The following SLC44A1 variants were observed in gnomAD, a reference collection of about 807,000 sequenced individuals.
The protein encoded by SLC44A1 is choline transporter-like protein 1.
Under a neutral mutation model 79.3 loss-of-function variants are expected in SLC44A1, and 26 were observed. The ratio of observed to expected loss-of-function variants is 0.33; its 90% CI spans 0.24 to 0.46. The LOEUF (loss-of-function observed/expected upper bound fraction) is 0.46. SLC44A1 is among the 20% of genes least tolerant of loss of function. The pLI is 1.00. For synonymous variants in SLC44A1, 263 were observed against 286.2 expected, an observed-to-expected ratio of 0.92 and a Z score of 0.82; for missense variants, 688 against 798.1, an observed-to-expected ratio of 0.86 and a Z score of 1.66.
chr9:105,436,300 T>C (rs1829463349), intron 15 of SLC44A1, among the ~76,000 whole-genome samples: 1 of 152,234 alleles, frequency 6.6e-6, no homozygotes, highest in Non-Finnish European at 1.5e-5. Flanking sequence ...GCCTAGTGAC[T>C]AGGCCACATG....
intron 1 of SLC44A1, among the ~76,000 whole-genome samples, chr9:105,292,633 C>G (rs1471592096): frequency 6.6e-6 from 1 of 152,152 alleles, no homozygotes; most frequent in Admixed American, 6.5e-5. Context: ...ATGTTTGCCT[C>G]AGAATATAAG....
chr9:105,348,769 A>G (rs1382445730), intron 5 of SLC44A1, among the ~76,000 whole-genome samples: 1 of 152,114 alleles, frequency 6.6e-6, no homozygotes, highest in Non-Finnish European at 1.5e-5. Context: ...ATCTGCAACA[A>G]ACTTAGAAAC....
At chr9:105,407,652 C>G (rs879855245) in intron 15 of SLC44A1, among the ~76,000 whole-genome samples, 2 of 151,874 alleles carry the variant, frequency 1.3e-5, no homozygotes, top group Admixed American at 1.3e-4. Flanking sequence ...GGCGGATTAC[C>G]TGAGGTCAGG....
intron 15 of SLC44A1, chr9:105,386,064 A>G (rs1828618447): frequency 3.0e-6 from 3 of 985,346 alleles, no homozygotes; most frequent in African/African-American, 1.7e-5. Flanking sequence ...GTTTTCATCA[A>G]TACCCACATT....
intron 15 of SLC44A1, among the ~76,000 whole-genome samples, chr9:105,429,167 G>A (rs1382120349): frequency 1.3e-5 from 2 of 152,196 alleles, no homozygotes; most frequent in Admixed American, 6.5e-5. Context: ...TAAGTGATAC[G>A]CTTCCACATC....
At chr9:105,286,067 C>T (rs1417627016) in intron 1 of SLC44A1, among the ~76,000 whole-genome samples, 1 of 152,236 alleles carries the variant, frequency 6.6e-6, no homozygotes, top group Non-Finnish European at 1.5e-5. Context: ...CGCCACTGCA[C>T]TCCAGCCTGG....
At chr9:105,256,040 G>A (rs1015626184) in intron 1 of SLC44A1, among the ~76,000 whole-genome samples, 1 of 152,072 alleles carries the variant, frequency 6.6e-6, no homozygotes, top group Non-Finnish European at 1.5e-5. Context: ...TTGAGACAGG[G>A]TCTTGCTCTG....
At chr9:105,368,705 T>C (rs1828013039) in intron 12 of SLC44A1, among the ~76,000 whole-genome samples, 1 of 152,224 alleles carries the variant, frequency 6.6e-6, no homozygotes, top group African/African-American at 2.4e-5. Flanking sequence ...CAAATTGTAA[T>C]GATTCATTCT....
At chr9:105,279,431 C>T (rs1830296596) in intron 1 of SLC44A1, among the ~76,000 whole-genome samples, 1 of 151,438 alleles carries the variant, frequency 6.6e-6, no homozygotes. Context: ...GATTCTCCTG[C>T]CTCAGCCTCC....
chr9:105,410,972 A>G (rs893376924), intron 15 of SLC44A1, among the ~76,000 whole-genome samples: 5 of 152,238 alleles, frequency 3.3e-5, no homozygotes, highest in Non-Finnish European at 7.3e-5. Context: ...TATATGAAAT[A>G]TCTAAAATAG....
intron 1 of SLC44A1, among the ~76,000 whole-genome samples, chr9:105,249,433 C>T (rs1156600014): frequency 1.3e-5 from 2 of 151,948 alleles, no homozygotes; most frequent in Non-Finnish European, 2.9e-5. Flanking sequence ...CCTTCATCTT[C>T]TGAATACTGT....
intron 1 of SLC44A1, among the ~76,000 whole-genome samples, chr9:105,266,722 T>C (rs1829971326): frequency 1.3e-5 from 2 of 152,242 alleles, no homozygotes; most frequent in African/African-American, 4.8e-5. Context: ...ATAGTATATA[T>C]TGAAATCAGG....
At position 105,245,599 on chromosome 9, in the gene SLC44A1, G is replaced by T. The variant is rs554526762; in HGVS notation, c.36+695G>T. 5.9e-5 allele frequency among the ~76,000 whole-genome samples: 9 copies of T among 152,336 alleles called. No homozygotes were observed. The East Asian group carries it at 1.7e-3, about 29-fold the overall frequency. On this transcript the variant is annotated intron_variant, in intron 1 of 15. Transcript: ENST00000374720. ...CCTGCGGGAGCGCCGACTCTGGGCT[G>T]GGAAGGAGATTGGGCACCTGGTGGG...
At chr9:105,385,847 G>T (rs1828613553) in intron 15 of SLC44A1, 1 of 985,188 alleles carries the variant, frequency 1.0e-6, no homozygotes, top group Non-Finnish European at 1.2e-6. Context: ...GAACATTTTG[G>T]TGTACACTTG....
intron 14 of SLC44A1, 119 bp from the exon 15 acceptor site, chr9:105,385,303 T>A: frequency 2.9e-6 from 2 of 693,304 alleles, no homozygotes; most frequent in South Asian, 3.7e-5. Context: ...TTTATTGCTA[T>A]GTTTTTAAGC....
chr9:105,350,606 A>T (rs1463995893), intron 5 of SLC44A1, among the ~76,000 whole-genome samples: 1 of 152,142 alleles, frequency 6.6e-6, no homozygotes, highest in Non-Finnish European at 1.5e-5. Context: ...GAAGGACCTG[A>T]ACTTTGAGAT....
At chr9:105,348,953 A>T (rs1827321910) in intron 5 of SLC44A1, among the ~76,000 whole-genome samples, 1 of 152,162 alleles carries the variant, frequency 6.6e-6, no homozygotes, top group South Asian at 2.1e-4. Flanking sequence ...GCTATATCTT[A>T]TCCAAGGTCT....
At chr9:105,370,965 C>T (rs192516506) in intron 12 of SLC44A1, among the ~76,000 whole-genome samples, 52 of 152,250 alleles carry the variant, frequency 3.4e-4, no homozygotes, top group African/African-American at 1.1e-3. Context: ...TATTTTCTCC[C>T]AAAAACTTGT....
chr9:105,380,500 A>G (rs1389880910), intron 13 of SLC44A1, among the ~76,000 whole-genome samples: 1 of 151,994 alleles, frequency 6.6e-6, no homozygotes, highest in East Asian at 1.9e-4. Flanking sequence ...CTTAACTTCT[A>G]AAGTCATGCG....
Sources: allele counts gnomAD v4.1 joint callset (sites outside exome capture counted in the v4.1 genomes callset), GRCh38; gene constraint gnomAD v4.1.1; transcripts MANE v1.5; gene names NCBI Gene and HGNC (gene_info 2026-07-23, HGNC 2026-07-21).